KCND3: variants seen among roughly 807,000 people sequenced by gnomAD.
KCND3 encodes A-type voltage-gated potassium channel KCND3.
KCND3 carries 9 observed loss-of-function variants against 51.1 expected under a neutral mutation model. The ratio of observed to expected loss-of-function variants is 0.18; its 90% CI spans 0.11 to 0.31. The LOEUF is 0.31. KCND3 is among the 10% of genes least tolerant of loss of function. KCND3 has a pLI of 1.00. For synonymous variants in KCND3, 349 were observed against 368.0 expected, an observed-to-expected ratio of 0.95 and a Z score of 0.59; for missense variants, 526 against 903.8, an observed-to-expected ratio of 0.58 and a Z score of 5.36.
At chr1:111,826,507 C>A (rs548446731) in intron 2 of KCND3, among the ~76,000 whole-genome samples, 17 of 152,152 alleles carry the variant, frequency 1.1e-4, no homozygotes, top group Non-Finnish European at 1.9e-4. Context: ...GTGCACACAC[C>A]CACCATCATC....
At chr1:111,946,848 A>C (rs1557737759) in intron 2 of KCND3, among the ~76,000 whole-genome samples, 1 of 152,244 alleles carries the variant, frequency 6.6e-6, no homozygotes, top group Admixed American at 6.5e-5. Flanking sequence ...CTGCCAATCA[A>C]TAACAAATGC....
chr1:111,778,589 A>G (rs1664237710), intron 5 of KCND3, 97 bp from the exon 6 acceptor site: 2 of 1,164,478 alleles, frequency 1.7e-6, no homozygotes, highest in Non-Finnish European at 2.6e-6. Flanking sequence ...TGATCCCGGC[A>G]TTCCACCCTT....
At position 111,982,262 on chromosome 1, in the gene KCND3, G is replaced by T; in HGVS notation, c.465C>A (p.Asn155Lys). The change falls in exon 2 of 8, where the codon AAC (asparagine) becomes AAA (lysine). Residue 155 changes from asparagine (N) to lysine (K), a missense_variant. Physicochemically the swap from Asn to Lys is moderately conservative, Grantham distance 94. This residue lies in a region of KCND3 where 159 missense variants were observed against 262.8 expected (regional missense o/e 0.61). Transcript: ENST00000302127. This position sits in a 1 kb window ranked among gnomAD's most constrained non-coding sequence, Gnocchi z 8.5. Reference sequence around the variant, plus strand: ...TGAGCGAGGGCATGGACTCCTGGTTGTTCTCCGAGTCGTTGTCGTCCATGA... The same window carrying T: ...TGAGCGAGGGCATGGACTCCTGGTTTTTCTCCGAGTCGTTGTCGTCCATGA... ...ERLMDDNDSE[N>K]NQESMPSLSF... 1.2e-6 allele frequency: 2 copies of T among 1,614,146 alleles called. No individual in the cohort carries two copies. Among genetic ancestry groups the T allele is most frequent in the African/African-American group, 1.3e-5 (1 of 75,044 alleles).
intron 2 of KCND3, among the ~76,000 whole-genome samples, chr1:111,888,998 A>C (rs543808366): frequency 3.2e-4 from 48 of 152,228 alleles, no homozygotes; most frequent in African/African-American, 1.2e-3. Flanking sequence ...TGTGTGTGCG[A>C]GGGCAGCAGG....
Position 111,981,767 on chromosome 1 carries a change from T to C in KCND3, c.960A>G (p.Glu320=), listed in dbSNP as rs780895496. The change falls in exon 2 of 8, where the codon GAA becomes GAG. Residue 320 remains glutamate (E), a synonymous_variant. Coordinates refer to ENST00000302127, the MANE Select transcript of KCND3 (RefSeq NM_001378969.1). This position sits in a 1 kb window ranked among gnomAD's most constrained non-coding sequence, Gnocchi z 6.2. ...LGYTLKSCAS[E]LGFLLFSLTM... is the part of the protein sequence containing the mutation. ...TGAGGGAGAAGAGAAGAAAGCCCAGTTCGGAGGCACAGCTCTTCAGTGTGT... is the reference window on the plus strand; with the variant it reads ...TGAGGGAGAAGAGAAGAAAGCCCAGCTCGGAGGCACAGCTCTTCAGTGTGT... 3 of 1,613,996 alleles carry C rather than the reference T, an allele frequency of 1.9e-6. No individual in the cohort carries two copies. The South Asian group carries it at 3.3e-5, about 18-fold the overall frequency.
chr1:111,895,514 G>A (rs1046757614), intron 2 of KCND3, among the ~76,000 whole-genome samples: 15 of 152,214 alleles, frequency 9.9e-5, no homozygotes, highest in Non-Finnish European at 1.9e-4. Flanking sequence ...ATGACAGCCC[G>A]TGTGGGAGGA....
At chr1:111,847,472 C>T (rs536949713) in intron 2 of KCND3, among the ~76,000 whole-genome samples, 5 of 152,212 alleles carry the variant, frequency 3.3e-5, no homozygotes, top group African/African-American at 7.2e-5. Flanking sequence ...GGAATAAACA[C>T]GTCAGGCAGG....
chr1:111,983,432 C>T (rs762022216), intron 1 of KCND3, among the ~76,000 whole-genome samples: 1 of 152,146 alleles, frequency 6.6e-6, no homozygotes, highest in African/African-American at 2.4e-5. Context: ...AAGTGCTACT[C>T]TGAGGGACAC....
chr1:111,801,516 G>A (rs557836003), intron 2 of KCND3, among the ~76,000 whole-genome samples: 8 of 152,230 alleles, frequency 5.3e-5, no homozygotes, highest in Non-Finnish European at 7.3e-5. Flanking sequence ...CGTGGTTGAG[G>A]TAGTGACAGG....
At chr1:111,846,569 T>G (rs1369452021) in intron 2 of KCND3, among the ~76,000 whole-genome samples, 1 of 152,228 alleles carries the variant, frequency 6.6e-6, no homozygotes, top group Non-Finnish European at 1.5e-5. Context: ...CAGCTTCCTA[T>G]GTACCCAGGT....
Position 111,797,419 on chromosome 1 carries a change from C to T in KCND3, c.1107-10313G>A, listed in dbSNP as rs568354338. On this transcript the variant is annotated intron_variant, in intron 2 of 7. Transcript: ENST00000302127. Reference sequence around the variant, plus strand: ...CCATAGCCCCTCGCACTGGCCAGTACTTTCCCCCCCATCCTCCTGGATTGA... The same window carrying T: ...CCATAGCCCCTCGCACTGGCCAGTATTTTCCCCCCCATCCTCCTGGATTGA... Among the ~76,000 whole-genome samples the T allele has an allele frequency of 2.3e-3, 357 of 152,294 alleles. 5 individuals are homozygous for T. Among genetic ancestry groups the T allele is most frequent in the African/African-American group, 8.3e-3 (344 of 41,564 alleles).
intron 2 of KCND3, among the ~76,000 whole-genome samples, chr1:111,826,660 T>C (rs1363106814): frequency 1.3e-5 from 2 of 152,218 alleles, no homozygotes; most frequent in African/African-American, 4.8e-5. Context: ...GGTTTCTGAA[T>C]GTTTCCTAAG....
chr1:111,935,679 A>G (rs1419021120), intron 2 of KCND3, among the ~76,000 whole-genome samples: 1 of 152,208 alleles, frequency 6.6e-6, no homozygotes, highest in Non-Finnish European at 1.5e-5. Context: ...CCTTCCCCGC[A>G]TTAGCTCCTC....
At chr1:111,873,102 C>T (rs184183872) in intron 2 of KCND3, among the ~76,000 whole-genome samples, 2 of 152,198 alleles carry the variant, frequency 1.3e-5, no homozygotes, top group Admixed American at 6.5e-5. Context: ...TCCCAGTGTC[C>T]GAAGAAGCTT....
At chr1:111,895,352 A>G (rs753316388) in intron 2 of KCND3, among the ~76,000 whole-genome samples, 2 of 152,158 alleles carry the variant, frequency 1.3e-5, no homozygotes, top group Non-Finnish European at 2.9e-5. Context: ...TGCATTTTAC[A>G]TGGCCTTGGC....
Position 111,776,180 on chromosome 1 carries a change from G to T in KCND3, c.1865C>A (p.Ala622Glu), listed in dbSNP as rs199663609. 6.2e-7 allele frequency: 1 copy of T among 1,614,214 alleles called. No homozygotes were observed. Among genetic ancestry groups the T allele is most frequent in the East Asian group, 2.2e-5 (1 of 44,882 alleles). The change falls in exon 8 of 8, where the codon GCG (alanine) becomes GAG (glutamate). Residue 622 changes from alanine (A) to glutamate (E), a missense_variant. Physicochemically the swap from Ala to Glu is moderately radical, Grantham distance 107. This residue lies in a region of KCND3 where 266 missense variants were observed against 305.5 expected (regional missense o/e 0.87). Coordinates refer to ENST00000302127, the MANE Select transcript of KCND3 (RefSeq NM_001378969.1). ...CCGACTTTCCCCCTCTGGGGTTAGC[G>T]CTGGGGGAGTGGGGATGCTGATGAT... ...TAIISIPTPP[A>E]LTPEGESRPP... is the part of the protein sequence containing the mutation.
At chr1:111,800,737 C>T (rs1294446437) in intron 2 of KCND3, among the ~76,000 whole-genome samples, 1 of 152,192 alleles carries the variant, frequency 6.6e-6, no homozygotes, top group Non-Finnish European at 1.5e-5. Context: ...CACTTGCCCC[C>T]TGCCTAGTGA....
At chr1:111,985,539 C>T (rs921308983) in intron 1 of KCND3, among the ~76,000 whole-genome samples, 3 of 152,182 alleles carry the variant, frequency 2.0e-5, no homozygotes, top group South Asian at 2.1e-4. Context: ...AGTAGGTGCT[C>T]GAGCTGGGAC....
At chr1:111,988,154 C>T (rs1387939169) in intron 1 of KCND3, among the ~76,000 whole-genome samples, 1 of 152,178 alleles carries the variant, frequency 6.6e-6, no homozygotes, top group Non-Finnish European at 1.5e-5. Flanking sequence ...TCTCACATCA[C>T]ATCCCCTAGC....
Sources: allele counts gnomAD v4.1 joint callset (sites outside exome capture counted in the v4.1 genomes callset), GRCh38; gene constraint gnomAD v4.1.1; regional missense constraint gnomAD v4.1.1; non-coding constraint Gnocchi (gnomAD v3.1); transcripts MANE v1.5; gene names NCBI Gene and HGNC (gene_info 2026-07-23, HGNC 2026-07-21).